The following NCKAP5 variants were observed in gnomAD, a reference collection of about 807,000 sequenced individuals.
The protein encoded by NCKAP5 is nck-associated protein 5.
Under a neutral mutation model 167.0 loss-of-function variants are expected in NCKAP5, and 92 were observed. The observed-to-expected ratio is 0.55, with a 90% CI of 0.47 to 0.66. The LOEUF (loss-of-function observed/expected upper bound fraction) is 0.66. Among genes scored for constraint, NCKAP5 ranks in the 30% least tolerant of loss-of-function variants. The probability of loss-of-function intolerance (pLI) is 0.00; values close to 1 mark genes in which losing one functional copy is unlikely to be tolerated. For synonymous variants in NCKAP5, 891 were observed against 877.4 expected (o/e 1.02, Z -0.27); for missense variants, 2,378 against 2,315.0 (o/e 1.03, Z -0.56).
intron 3 of NCKAP5, among the ~76,000 whole-genome samples, chr2:133,342,786 TG>T (rs948179582): frequency 3.9e-5 from 6 of 152,158 alleles, no homozygotes; most frequent in Non-Finnish European, 5.9e-5. Flanking sequence ...TTCAAGTGGC[TG>T]CAATGTCTGA....
At chr2:133,032,317 A>G (rs1372639938) in intron 6 of NCKAP5, among the ~76,000 whole-genome samples, 1 of 152,192 alleles carries the variant, frequency 6.6e-6, no homozygotes, top group Non-Finnish European at 1.5e-5. Flanking sequence ...AACATTTGCT[A>G]GTTTGGCAGT....
At chr2:133,538,385 A>AT (rs74595403) in intron 2 of NCKAP5, among the ~76,000 whole-genome samples, 1 of 151,828 alleles carries the variant, frequency 6.6e-6, no homozygotes, top group Admixed American at 6.6e-5. Context: ...ATTTGCAGAG[A>AT]TTTTTTTAGC....
chr2:132,689,795 A>T (rs1240034292), intron 19 of NCKAP5, among the ~76,000 whole-genome samples: 1 of 152,188 alleles, frequency 6.6e-6, no homozygotes, highest in Admixed American at 6.5e-5. Context: ...GTGTATTTAT[A>T]CATGGGAAAT....
At chr2:133,403,119 T>C (rs1270622240) in intron 3 of NCKAP5, among the ~76,000 whole-genome samples, 4 of 152,228 alleles carry the variant, frequency 2.6e-5, no homozygotes. Context: ...ATGTGATTCA[T>C]TGATTGTACT....
chr2:133,614,430 T>C, the NCKAP5 span, among the ~76,000 whole-genome samples: 74,936 of 151,436 alleles, frequency 0.49, 20,511 homozygotes, highest in Middle Eastern at 0.71. Context: ...ATAACTAGAA[T>C]AACCAATACA....
chr2:133,108,451 C>T (rs1362258476), intron 6 of NCKAP5, among the ~76,000 whole-genome samples: 2 of 152,210 alleles, frequency 1.3e-5, no homozygotes, highest in East Asian at 1.9e-4. Flanking sequence ...TCGCACACTA[C>T]AAGTCTTCAA....
intron 5 of NCKAP5, among the ~76,000 whole-genome samples, chr2:133,180,943 A>T (rs894750357): frequency 1.3e-5 from 2 of 152,116 alleles, no homozygotes; most frequent in Non-Finnish European, 2.9e-5. Context: ...AAGGGATTAA[A>T]ATCCAAAATA....
intron 4 of NCKAP5, chr2:133,265,039 A>C (rs1274142844): frequency 1.3e-5 from 2 of 152,268 alleles, no homozygotes; most frequent in Non-Finnish European, 2.9e-5. Context: ...AGGTGGCATG[A>C]AGCCGGGAAA....
chr2:132,930,612 G>A (rs1469688956), intron 8 of NCKAP5: 1 of 152,216 alleles, frequency 6.6e-6, no homozygotes, highest in Non-Finnish European at 1.5e-5. Flanking sequence ...CAGGACTGTG[G>A]ACTTGATCTG....
the NCKAP5 span, among the ~76,000 whole-genome samples, chr2:133,599,780 G>A: frequency 2.0e-5 from 3 of 152,202 alleles, no homozygotes; most frequent in Non-Finnish European, 4.4e-5. Flanking sequence ...AGAGCATGAG[G>A]AGCGCCTGCA....
At chr2:132,730,534 C>G (rs778770248) in intron 17 of NCKAP5, among the ~76,000 whole-genome samples, 11 of 152,138 alleles carry the variant, frequency 7.2e-5, no homozygotes, top group Non-Finnish European at 1.3e-4. Flanking sequence ...ACCTTAGATA[C>G]CTGGTGCAGT....
At chr2:132,942,736 G>T (rs281575) in intron 8 of NCKAP5, among the ~76,000 whole-genome samples, 86,865 of 151,922 alleles carry the variant, frequency 0.57, 28,517 homozygotes, top group South Asian at 0.74. Context: ...GACCACTCAG[G>T]TATTCCGCTA....
intron 2 of NCKAP5, among the ~76,000 whole-genome samples, chr2:133,521,361 A>G (rs1237876185): frequency 6.6e-6 from 1 of 152,258 alleles, no homozygotes; most frequent in African/African-American, 2.4e-5. Flanking sequence ...ATATCAGTAG[A>G]CAATCTTTTG....
At chr2:132,991,015 A>T (rs2077433601) in intron 7 of NCKAP5, among the ~76,000 whole-genome samples, 1 of 152,226 alleles carries the variant, frequency 6.6e-6, no homozygotes, top group Non-Finnish European at 1.5e-5. Context: ...CAGCATAGAT[A>T]ATAAGCAGAC....
At chr2:133,186,922 T>C (rs1262138024) in intron 5 of NCKAP5, among the ~76,000 whole-genome samples, 1 of 151,864 alleles carries the variant, frequency 6.6e-6, no homozygotes, top group Non-Finnish European at 1.5e-5. Context: ...TCACTCTTTC[T>C]TTTTTACAAT....
At chr2:133,053,410 G>A (rs1451447356) in intron 6 of NCKAP5, among the ~76,000 whole-genome samples, 1 of 152,162 alleles carries the variant, frequency 6.6e-6, no homozygotes, top group Non-Finnish European at 1.5e-5. Flanking sequence ...GCATTCCAGG[G>A]ACGTGCTTGC....
At chr2:133,110,026 A>G (rs934379722) in intron 6 of NCKAP5, among the ~76,000 whole-genome samples, 6 of 152,220 alleles carry the variant, frequency 3.9e-5, no homozygotes, top group African/African-American at 1.4e-4. Context: ...TCAAAGAGCA[A>G]AGCACATTAC....
chr2:133,482,286 C>T (rs944933299), intron 3 of NCKAP5, among the ~76,000 whole-genome samples: 6 of 149,366 alleles, frequency 4.0e-5, no homozygotes, highest in Non-Finnish European at 5.9e-5. Flanking sequence ...GGTGTGATCT[C>T]GGCTCACTGC....
the NCKAP5 span, among the ~76,000 whole-genome samples, chr2:133,578,187 G>A: frequency 6.6e-6 from 1 of 152,060 alleles, no homozygotes; most frequent in African/African-American, 2.4e-5. Flanking sequence ...ATATCTTGTT[G>A]ACTCTAGTTC....
Sources: gnomAD v4.1 joint callset for allele counts (sites outside exome capture counted in the v4.1 genomes callset) on GRCh38, gnomAD v4.1.1 for gene constraint, MANE v1.5 for transcripts, NCBI Gene and HGNC (gene_info 2026-07-23, HGNC 2026-07-21) for gene names.